Variants in TUT4 observed in about 807,000 individuals in gnomAD.
The protein encoded by TUT4 is terminal uridylyltransferase 4.
Under a neutral mutation model 192.2 loss-of-function variants are expected in TUT4, and 36 were observed. The ratio of observed to expected loss-of-function variants is 0.19; its 90% CI spans 0.14 to 0.25. The LOEUF (loss-of-function observed/expected upper bound fraction) is 0.25. Among genes scored for constraint, TUT4 ranks in the 10% least tolerant of loss-of-function variants. The pLI, the probability that TUT4 is intolerant of heterozygous loss-of-function variation, is 1.00. For synonymous variants in TUT4, 618 were observed against 666.0 expected (o/e 0.93, Z 1.11); for missense variants, 1,493 against 1,957.2 (o/e 0.76, Z 4.47).
intron 1 of TUT4, among the ~76,000 whole-genome samples, chr1:52,545,366 A>G (rs1157505578): frequency 6.6e-6 from 1 of 150,796 alleles, no homozygotes; most frequent in Non-Finnish European, 1.5e-5. Context: ...GACAGAGAGT[A>G]AGACTCTGTC....
At chr1:52,546,859 A>C (rs1419947707) in intron 1 of TUT4, among the ~76,000 whole-genome samples, 3 of 152,094 alleles carry the variant, frequency 2.0e-5, no homozygotes, top group African/African-American at 7.2e-5. Context: ...AGCCTGGGCG[A>C]GATGGCTCAT....
chr1:52,514,283 A>C (rs1013198500), intron 3 of TUT4, among the ~76,000 whole-genome samples: 7 of 152,202 alleles, frequency 4.6e-5, no homozygotes, highest in African/African-American at 1.4e-4. Flanking sequence ...TCTACTAAAA[A>C]TACAAGAATT....
At chr1:52,457,232 T>C (rs1661227623) in intron 20 of TUT4, among the ~76,000 whole-genome samples, 1 of 152,068 alleles carries the variant, frequency 6.6e-6, no homozygotes, top group South Asian at 2.1e-4. Context: ...TTTTTCTTTT[T>C]TTTCTTTTCT....
rs1557769203 is a variant in TUT4 at position 52,474,889 on chromosome 1, G to A, written c.2670C>T (p.Asn890=). The A allele has an allele frequency of 8.7e-6, 14 of 1,613,738 alleles. No individual in the cohort carries two copies. Among genetic ancestry groups the A allele is most frequent in the Non-Finnish European group, 1.2e-5 (14 of 1,179,982 alleles). The part of the protein sequence containing the change: ...EDASDLNDDD[N]LPTQELYYVF... ...CATAATATAATTCCTGGGTGGGGAG[G>A]TTATCATCATCATTAAGGTCAGAAG... Residue 890 remains asparagine, a synonymous_variant, in exon 13 of 30, where the codon AAC becomes AAT. Coordinates refer to ENST00000257177, the MANE Select transcript of TUT4 (RefSeq NM_001009881.3).
At chr1:52,538,169 G>A (rs1390300926) in intron 1 of TUT4, among the ~76,000 whole-genome samples, 2 of 152,140 alleles carry the variant, frequency 1.3e-5, no homozygotes, top group Non-Finnish European at 2.9e-5. Context: ...CCAGGAGGTG[G>A]AGGTTGCAGT....
chr1:52,525,474 T>TC, intron 2 of TUT4, 89 bp downstream of exon 2: 1 of 1,477,564 alleles, frequency 6.8e-7, no homozygotes, highest in Non-Finnish European at 9.0e-7. Flanking sequence ...CAATTATGTA[T>TC]AAACATGACT....
Position 52,478,494 on chromosome 1 carries a change from C to T in TUT4, c.1849-612G>A, listed in dbSNP as rs116389650. Among the ~76,000 whole-genome samples, 540 of 152,296 alleles carry T rather than the reference C, an allele frequency of 3.5e-3. 7 individuals are homozygous for T. Among genetic ancestry groups the T allele is most frequent in the South Asian group, 0.034 (162 of 4,826 alleles). Reference sequence around the variant, plus strand: ...ACCATTCACTCTTCTAAAAGCGGCACATATATTAACAATTCTAACTATTCC... The same window carrying T: ...ACCATTCACTCTTCTAAAAGCGGCATATATATTAACAATTCTAACTATTCC... On this transcript the variant is annotated intron_variant, in intron 11 of 29. Transcript: ENST00000257177.
At chr1:52,548,939 G>C (rs1571575265) in intron 1 of TUT4, among the ~76,000 whole-genome samples, 1 of 152,130 alleles carries the variant, frequency 6.6e-6, no homozygotes, top group East Asian at 1.9e-4. Context: ...AAGCCAACAA[G>C]TGAAAAAACT....
chr1:52,523,118 G>A (rs956974929), intron 2 of TUT4, among the ~76,000 whole-genome samples: 9 of 142,452 alleles, frequency 6.3e-5, no homozygotes, highest in South Asian at 2.4e-4. Context: ...TCAGCCTCCC[G>A]AGTAGCTTAG....
chr1:52,473,512 T>C (rs908467125), intron 13 of TUT4, among the ~76,000 whole-genome samples: 5 of 152,326 alleles, frequency 3.3e-5, no homozygotes, highest in Non-Finnish European at 5.9e-5. Context: ...ATAATATATA[T>C]ACTTAAGTTC....
intron 3 of TUT4, among the ~76,000 whole-genome samples, chr1:52,513,539 A>G (rs1677878982): frequency 6.6e-6 from 1 of 152,134 alleles, no homozygotes; most frequent in Non-Finnish European, 1.5e-5. Context: ...GATTACAAAT[A>G]TCTACGCTGG....
intron 29 of TUT4, chr1:52,424,540 TCTGAA>T (rs1649161521): frequency 6.5e-6 from 1 of 152,912 alleles, no homozygotes; most frequent in African/African-American, 2.4e-5. Flanking sequence ...ACCCAAGTGT[TCTGAA>T]CTAAGTTAAC....
At chr1:52,511,345 T>C (rs1677102987) in intron 3 of TUT4, among the ~76,000 whole-genome samples, 1 of 152,196 alleles carries the variant, frequency 6.6e-6, no homozygotes, top group Admixed American at 6.5e-5. Flanking sequence ...ACGCTACCTC[T>C]TAGTTTCAAA....
At chr1:52,548,831 A>G (rs777277598) in intron 1 of TUT4, among the ~76,000 whole-genome samples, 4 of 152,332 alleles carry the variant, frequency 2.6e-5, no homozygotes, top group East Asian at 1.9e-4. Context: ...GTGAACATCA[A>G]ACTTGCATGA....
At chr1:52,544,609 C>T (rs996676614) in intron 1 of TUT4, among the ~76,000 whole-genome samples, 12 of 152,008 alleles carry the variant, frequency 7.9e-5, no homozygotes, top group African/African-American at 2.4e-4. Flanking sequence ...GGCTCTTAGA[C>T]GAAAACAAAA....
rs770700076 is a variant in TUT4, at chr1:52,481,638, A to G, written c.1636-3T>C. ...CTTTTTGGGTCAAAGCCTTCAATCTATATAAAAAGGCATTCCAAATTGGTA... is the reference window on the plus strand; with the variant it reads ...CTTTTTGGGTCAAAGCCTTCAATCTGTATAAAAAGGCATTCCAAATTGGTA... On this transcript the variant is annotated splice_region_variant and splice_polypyrimidine_tract_variant and intron_variant, in intron 10 of 29. Transcript: ENST00000257177. The G allele has an allele frequency of 3.8e-6, 6 of 1,595,200 alleles. No individual in the cohort carries two copies. The highest frequency in any genetic ancestry group is 1.4e-5 in the African/African-American group (1 of 73,954).
At position 52,431,429 on chromosome 1, in the gene TUT4, T is replaced by C; in HGVS notation, c.4295A>G (p.Gln1432Arg). 6.2e-7 allele frequency: 1 copy of C among 1,612,354 alleles called. No individual in the cohort carries two copies. The highest frequency in any genetic ancestry group is 1.1e-5 in the South Asian group (1 of 91,052). The change falls in exon 28 of 30, where the codon CAG (glutamine) becomes CGG (arginine). Residue 1432 changes from glutamine to arginine, a missense_variant. Gln to Arg is a conservative substitution (Grantham distance 43). Coordinates refer to ENST00000257177, the MANE Select transcript of TUT4 (RefSeq NM_001009881.3). ...SESPSYSPQP[Q>R]PFPQNSSQSA... ...CTGGGAAGAGTTCTGTGGAAATGGCTGAGGCTGAGGAGAATAAGATGGTGA... is the reference window on the plus strand; with the variant it reads ...CTGGGAAGAGTTCTGTGGAAATGGCCGAGGCTGAGGAGAATAAGATGGTGA...
intron 7 of TUT4, 142 bp downstream of exon 7, chr1:52,493,469 G>GT: frequency 1.7e-6 from 1 of 586,310 alleles, no homozygotes; most frequent in Non-Finnish European, 3.0e-6. Flanking sequence ...ACAAGTGTGT[G>GT]TATGTATCTC....
At chr1:52,473,074 G>A (rs1557762961) in intron 13 of TUT4, among the ~76,000 whole-genome samples, 2 of 151,958 alleles carry the variant, frequency 1.3e-5, no homozygotes, top group Non-Finnish European at 2.9e-5. Context: ...TGGAACAACA[G>A]TACTTACCCT....
Sources: allele counts gnomAD v4.1 joint callset (sites outside exome capture counted in the v4.1 genomes callset), GRCh38; gene constraint gnomAD v4.1.1; transcripts MANE v1.5; gene names NCBI Gene and HGNC (gene_info 2026-07-23, HGNC 2026-07-21).